Variants in CERS6 observed in about 807,000 individuals in gnomAD.
CERS6 encodes LAG1 homolog, ceramide synthase 6.
A neutral mutation model predicts 56.8 loss-of-function variants in CERS6; 26 were observed. That is an observed-to-expected ratio of 0.46 (90% CI 0.34 to 0.63). The LOEUF (loss-of-function observed/expected upper bound fraction) is 0.63, where lower values mean the gene tolerates loss of function less well. Among genes scored for constraint, CERS6 ranks in the 30% least tolerant of loss-of-function variants. CERS6 has a pLI of 0.01. For missense variants in CERS6, 415 were observed against 467.5 expected, an observed-to-expected ratio of 0.89 and a Z score of 1.04; for synonymous variants, 164 against 173.3, an observed-to-expected ratio of 0.95 and a Z score of 0.42.
At chr2:168,536,011 GA>G (rs1288508788) in intron 1 of CERS6, among the ~76,000 whole-genome samples, 3 of 152,040 alleles carry the variant, frequency 2.0e-5, no homozygotes, top group Admixed American at 2.0e-4. Flanking sequence ...TTAAAAATGT[GA>G]AAATCTAGGA....
At chr2:168,615,257 CAAATG>C (rs1684287854) in intron 3 of CERS6, among the ~76,000 whole-genome samples, 1 of 152,112 alleles carries the variant, frequency 6.6e-6, no homozygotes, top group African/African-American at 2.4e-5. Flanking sequence ...ATAGCCCACT[CAAATG>C]AGAAGGAACC....
At chr2:168,667,563 A>G (rs60909646) in intron 4 of CERS6, among the ~76,000 whole-genome samples, 6 of 152,056 alleles carry the variant, frequency 3.9e-5, no homozygotes, top group African/African-American at 1.4e-4. Flanking sequence ...TCTGTTGGCT[A>G]TTAGGCGGCT....
intron 3 of CERS6, among the ~76,000 whole-genome samples, chr2:168,574,496 A>G (rs1683201442): frequency 6.6e-6 from 1 of 152,048 alleles, no homozygotes; most frequent in African/African-American, 2.4e-5. Flanking sequence ...ATAAATGGTA[A>G]TATCTCTTTA....
chr2:168,470,467 A>G (rs7419610), intron 1 of CERS6, among the ~76,000 whole-genome samples: 1 of 151,854 alleles, frequency 6.6e-6, no homozygotes, highest in Non-Finnish European at 1.5e-5. Context: ...ATGGCTTTTT[A>G]AAAAGGTGAT....
At chr2:168,668,448 T>TC (rs1685822625) in intron 4 of CERS6, among the ~76,000 whole-genome samples, 1 of 150,278 alleles carries the variant, frequency 6.7e-6, no homozygotes, top group Non-Finnish European at 1.5e-5. Flanking sequence ...CTCTATCTTT[T>TC]TTTTTTTTTT....
chr2:168,548,401 G>T (rs900560076), intron 2 of CERS6, among the ~76,000 whole-genome samples: 3 of 152,184 alleles, frequency 2.0e-5, no homozygotes, highest in Non-Finnish European at 4.4e-5. Flanking sequence ...AACAAAGAGG[G>T]AGGAGAAAGC....
chr2:168,542,057 T>A (rs916271470), intron 1 of CERS6, among the ~76,000 whole-genome samples: 1 of 152,202 alleles, frequency 6.6e-6, no homozygotes, highest in African/African-American at 2.4e-5. Flanking sequence ...TTGCTCCAAC[T>A]TGGACACTTC....
chr2:168,598,067 G>A (rs988221564), intron 3 of CERS6, among the ~76,000 whole-genome samples: 1 of 152,140 alleles, frequency 6.6e-6, no homozygotes, highest in Non-Finnish European at 1.5e-5. Flanking sequence ...TCTTTAAAAG[G>A]TTTGTTTACA....
intron 7 of CERS6, among the ~76,000 whole-genome samples, chr2:168,716,340 A>G (rs1687225738): frequency 6.6e-6 from 1 of 152,138 alleles, no homozygotes; most frequent in Non-Finnish European, 1.5e-5. Flanking sequence ...GTAGAAATTT[A>G]TGCTGCAACC....
Position 168,686,331 on chromosome 2 carries a change from GT to G in CERS6, c.466-4699del, listed in dbSNP as rs1217580780. Among the ~76,000 whole-genome samples the G allele has an allele frequency of 3.3e-5, 5 of 150,388 alleles. No homozygotes were observed. In the East Asian group the frequency reaches 9.9e-4, roughly 30 times the overall value. ...TTTAAGACTCTAACCTTATGACCTCGTTTTATGTTAATTACCTTCCAAAGGC... is the reference window on the plus strand; with the variant it reads ...TTTAAGACTCTAACCTTATGACCTCGTTTATGTTAATTACCTTCCAAAGGC... On this transcript the variant is annotated intron_variant, in intron 4 of 9. Transcript: ENST00000305747.
chr2:168,466,332 A>G (rs13014953), intron 1 of CERS6, among the ~76,000 whole-genome samples: 2,456 of 152,266 alleles, frequency 0.016, 33 homozygotes, highest in Middle Eastern at 0.031. Context: ...TAAGTACACA[A>G]TCCATTTAAA....
intron 2 of CERS6, among the ~76,000 whole-genome samples, chr2:168,559,733 T>TTATATATATATATATATATATATA (rs61031993): frequency 0.03 from 1,953 of 66,098 alleles, 585 homozygotes; most frequent in East Asian, 0.044. Context: ...TAGAAAGGTA[T>TTATATATATATATATATATATATA]CATATATATA....
At chr2:168,595,236 C>T (rs1460246550) in intron 3 of CERS6, among the ~76,000 whole-genome samples, 2 of 152,338 alleles carry the variant, frequency 1.3e-5, no homozygotes, top group African/African-American at 4.8e-5. Flanking sequence ...ACAAGGAGCA[C>T]ATGTATCCTA....
chr2:168,750,427 ATTGT>A (rs761164810), intron 8 of CERS6, among the ~76,000 whole-genome samples: 13 of 152,234 alleles, frequency 8.5e-5, no homozygotes, highest in Non-Finnish European at 1.8e-4. Context: ...ACCACTGTTG[ATTGT>A]TTGATATCTT....
At chr2:168,554,242 CAT>C (rs1473311471) in intron 2 of CERS6, among the ~76,000 whole-genome samples, 1 of 137,268 alleles carries the variant, frequency 7.3e-6, no homozygotes, top group African/African-American at 2.7e-5. Flanking sequence ...AACTTATAAT[CAT>C]ATTAATACAC....
At chr2:168,723,561 A>T (rs1309876379) in intron 8 of CERS6, among the ~76,000 whole-genome samples, 3 of 94,010 alleles carry the variant, frequency 3.2e-5, no homozygotes, top group Non-Finnish European at 7.4e-5. Flanking sequence ...GTATCAAATC[A>T]TCTGGAACAT....
At chr2:168,765,216 T>C (rs1035470444) in intron 8 of CERS6, among the ~76,000 whole-genome samples, 1 of 152,058 alleles carries the variant, frequency 6.6e-6, no homozygotes, top group African/African-American at 2.4e-5. Flanking sequence ...CGAATCTTGG[T>C]TTTGAAAGAT....
intron 8 of CERS6, among the ~76,000 whole-genome samples, chr2:168,757,780 AAT>A (rs757288087): frequency 6.6e-6 from 1 of 152,214 alleles, no homozygotes; most frequent in Non-Finnish European, 1.5e-5. Flanking sequence ...AGTGACTAAT[AAT>A]TAGGCACCCA....
chr2:168,519,779 AT>A (rs1694945788), intron 1 of CERS6, among the ~76,000 whole-genome samples: 1 of 152,092 alleles, frequency 6.6e-6, no homozygotes, highest in South Asian at 2.1e-4. Context: ...TGCAAAAGTA[AT>A]TGTGGATTTT....
Sources: gnomAD v4.1 joint callset for allele counts (sites outside exome capture counted in the v4.1 genomes callset) on GRCh38, gnomAD v4.1.1 for gene constraint, MANE v1.5 for transcripts, NCBI Gene and HGNC (gene_info 2026-07-23, HGNC 2026-07-21) for gene names.